PCDH11X: variants seen among roughly 807,000 people sequenced by gnomAD.
PCDH11X encodes protocadherin-11 X-linked.
In PCDH11X, 18 loss-of-function variants were observed where a neutral mutation model predicts 53.3. The ratio of observed to expected loss-of-function variants is 0.34; its 90% CI spans 0.23 to 0.50. The LOEUF is 0.50. Among genes scored for constraint, PCDH11X ranks in the 20% least tolerant of loss-of-function variants. The pLI, the probability that PCDH11X is intolerant of heterozygous loss-of-function variation, is 0.98. For synonymous variants in PCDH11X, 279 were observed against 393.3 expected, an observed-to-expected ratio of 0.71 and a Z score of 3.44; for missense variants, 570 against 1,032.4, an observed-to-expected ratio of 0.55 and a Z score of 6.14.
At chrX:92,241,906 T>C (rs2067267956) in intron 7 of PCDH11X, among the ~76,000 whole-genome samples, 1 of 111,343 alleles carries the variant, frequency 9.0e-6, no homozygotes, top group East Asian at 2.8e-4. Flanking sequence ...CATTTGTATA[T>C]ATGTGTGTAT....
chrX:91,953,074 G>A (rs974688525), intron 6 of PCDH11X, among the ~76,000 whole-genome samples: 2 of 110,382 alleles, frequency 1.8e-5, no homozygotes, highest in African/African-American at 6.6e-5. Flanking sequence ...GTGTGAGGGA[G>A]GTGGGGGTGG....
At chrX:92,368,040 G>C (rs891740483) in intron 8 of PCDH11X, among the ~76,000 whole-genome samples, 1 of 102,276 alleles carries the variant, frequency 9.8e-6, no homozygotes, top group African/African-American at 3.6e-5. Context: ...ATGTTGGCCT[G>C]TCTTGCTAGG....
At chrX:91,813,496 G>A (rs1331080752) in intron 4 of PCDH11X, among the ~76,000 whole-genome samples, 4 of 103,748 alleles carry the variant, frequency 3.9e-5, no homozygotes, top group Non-Finnish European at 7.8e-5. Flanking sequence ...GAGAGTAGAT[G>A]TTGGCTCGGC....
chrX:92,232,605 A>AT (rs2067096209), intron 7 of PCDH11X, among the ~76,000 whole-genome samples: 1 of 112,086 alleles, frequency 8.9e-6, no homozygotes, highest in African/African-American at 3.2e-5. Context: ...GTATTCACTT[A>AT]TTTTTTCAGA....
At chrX:92,515,587 C>T (rs2074254841) in intron 10 of PCDH11X, 1 of 122,581 alleles carries the variant, frequency 8.2e-6, no homozygotes, top group Non-Finnish European at 1.7e-5. Flanking sequence ...ACCGCTAACG[C>T]ATTACCAGTC....
chrX:92,173,718 G>C (rs2065858807), intron 6 of PCDH11X, among the ~76,000 whole-genome samples: 2 of 109,740 alleles, frequency 1.8e-5, no homozygotes, highest in South Asian at 7.9e-4. Context: ...GTCCAGGTGT[G>C]GTAGTTCACA....
intron 5 of PCDH11X, among the ~76,000 whole-genome samples, chrX:91,846,105 T>C (rs1177720045): frequency 8.9e-6 from 1 of 111,839 alleles, no homozygotes; most frequent in Admixed American, 9.5e-5. Context: ...ATGTTTTACA[T>C]TACTATTTTA....
intron 8 of PCDH11X, among the ~76,000 whole-genome samples, chrX:92,361,338 T>A (rs547818919): frequency 1.8e-5 from 2 of 111,312 alleles, no homozygotes; most frequent in African/African-American, 6.5e-5. Context: ...ATTCTAAACA[T>A]CCTAAGCCCT....
chrX:92,312,225 G>A (rs1419897410), intron 8 of PCDH11X, among the ~76,000 whole-genome samples: 1 of 111,113 alleles, frequency 9.0e-6, no homozygotes, highest in East Asian at 2.8e-4. Flanking sequence ...ACAAAACATA[G>A]TTGATTACCT....
intron 6 of PCDH11X, among the ~76,000 whole-genome samples, chrX:92,107,055 A>G (rs2064400065): frequency 8.9e-6 from 1 of 111,833 alleles, no homozygotes; most frequent in African/African-American, 3.2e-5. Context: ...ATTCCTTTCT[A>G]TTGATAACTC....
intron 10 of PCDH11X, among the ~76,000 whole-genome samples, chrX:92,475,914 C>G (rs748866405): frequency 9.0e-6 from 1 of 111,483 alleles, no homozygotes; most frequent in South Asian, 3.8e-4. Flanking sequence ...AATAGCTTAT[C>G]TTCAAGCTTA....
intron 9 of PCDH11X, among the ~76,000 whole-genome samples, chrX:92,441,676 G>T (rs1003611175): frequency 2.7e-5 from 3 of 112,543 alleles, no homozygotes; most frequent in Middle Eastern, 4.3e-3. Context: ...CCAGGCAGAA[G>T]TTTGCTGCAG....
At chrX:91,903,817 T>C (rs1040080768) in intron 6 of PCDH11X, among the ~76,000 whole-genome samples, 10 of 110,276 alleles carry the variant, frequency 9.1e-5, no homozygotes, top group Admixed American at 5.9e-4. Context: ...ACCAGAACAT[T>C]GAATTAAGAA....
intron 6 of PCDH11X, among the ~76,000 whole-genome samples, chrX:92,110,087 G>T (rs1343461304): frequency 1.8e-5 from 2 of 111,675 alleles, no homozygotes; most frequent in African/African-American, 6.5e-5. Context: ...AGATTGATTA[G>T]TCCCTAAATA....
intron 1 of PCDH11X, among the ~76,000 whole-genome samples, chrX:91,788,204 A>T (rs190332089): frequency 8.1e-5 from 9 of 111,727 alleles, no homozygotes; most frequent in African/African-American, 2.9e-4. Flanking sequence ...AGAAAGTTAA[A>T]TGTATCCAAA....
chrX:91,917,308 C>A (rs1941596883), intron 6 of PCDH11X, among the ~76,000 whole-genome samples: 1 of 106,156 alleles, frequency 9.4e-6, no homozygotes, highest in Admixed American at 1.0e-4. Flanking sequence ...GGAGTCCTAC[C>A]AGATCAATCA....
chrX:92,172,640 A>T, intron 6 of PCDH11X, among the ~76,000 whole-genome samples: 1 of 111,706 alleles, frequency 9.0e-6, no homozygotes, highest in East Asian at 2.8e-4. Flanking sequence ...AAAACAAAAC[A>T]AAGAAACCTT....
chrX:91,906,725 T>C (rs1016399665), intron 6 of PCDH11X, among the ~76,000 whole-genome samples: 1 of 111,836 alleles, frequency 8.9e-6, no homozygotes, highest in Non-Finnish European at 1.9e-5. Flanking sequence ...CTTTATTAAC[T>C]TCGTAACCCT....
Position 91,975,500 on chromosome X carries a change from C to G in PCDH11X, c.3033+96227C>G, listed in dbSNP as rs373314317. Among the ~76,000 whole-genome samples the G allele has an allele frequency of 6.9e-4, 76 of 110,786 alleles. No individual in the cohort carries two copies. In the East Asian group the frequency reaches 0.011, roughly 16 times the overall value. On this transcript the variant is annotated intron_variant, in intron 6 of 10. Transcript: ENST00000682573. ...CTGGAGATATAAACTTGGTAGTTGA[C>G]AGCATATGGTTGTTATTTAAAGACA...
Sources: allele counts gnomAD v4.1 joint callset (sites outside exome capture counted in the v4.1 genomes callset), GRCh38; gene constraint gnomAD v4.1.1; transcripts MANE v1.5; gene names NCBI Gene and HGNC (gene_info 2026-07-23, HGNC 2026-07-21).